The following CTNNA2 variants were observed in gnomAD, a reference collection of about 807,000 sequenced individuals.
The protein encoded by CTNNA2 is catenin alpha 2, also known as catenin alpha-2.
Under a neutral mutation model 101.0 loss-of-function variants are expected in CTNNA2, and 42 were observed. That is an observed-to-expected ratio of 0.42 (90% CI 0.32 to 0.54). CTNNA2 has a LOEUF of 0.54. CTNNA2 is among the 20% of genes least tolerant of loss of function. The pLI is 0.14. For missense variants in CTNNA2, 871 were observed against 1,223.1 expected, an observed-to-expected ratio of 0.71 and a Z score of 4.29; for synonymous variants, 450 against 456.4, an observed-to-expected ratio of 0.99 and a Z score of 0.18.
chr2:80,087,081 A>G (rs996579576), intron 7 of CTNNA2, among the ~76,000 whole-genome samples: 1 of 151,988 alleles, frequency 6.6e-6, no homozygotes, highest in Admixed American at 6.6e-5. Flanking sequence ...TGCTATGTCA[A>G]CCTTCCTTTG....
At chr2:80,056,989 A>G (rs1482164979) in intron 7 of CTNNA2, among the ~76,000 whole-genome samples, 1 of 152,222 alleles carries the variant, frequency 6.6e-6, no homozygotes, top group East Asian at 1.9e-4. Flanking sequence ...TTGTATGAGA[A>G]TTTGAATTTA....
chr2:79,493,059 A>C (rs538759354), intron 4 of CTNNA2, among the ~76,000 whole-genome samples: 1 of 152,336 alleles, frequency 6.6e-6, no homozygotes, highest in Admixed American at 6.5e-5. Flanking sequence ...AAAACTTTTT[A>C]AACTTCACAA....
chr2:80,470,178 G>T (rs1161356004), intron 9 of CTNNA2, among the ~76,000 whole-genome samples: 1 of 152,088 alleles, frequency 6.6e-6, no homozygotes, highest in Non-Finnish European at 1.5e-5. Context: ...CTAATTCTGG[G>T]ACCTTCTTAG....
intron 3 of CTNNA2, among the ~76,000 whole-genome samples, chr2:79,364,083 T>A (rs1677690636): frequency 6.6e-6 from 1 of 152,124 alleles, no homozygotes; most frequent in Non-Finnish European, 1.5e-5. Context: ...TGTATTAAAG[T>A]CTTTCACAGT....
chr2:79,648,234 A>T (rs1573566329), intron 1 of CTNNA2, among the ~76,000 whole-genome samples: 1 of 152,166 alleles, frequency 6.6e-6, no homozygotes, highest in South Asian at 2.1e-4. Context: ...GAGGGGCCAC[A>T]TACCAAATCA....
At chr2:79,624,223 G>A (rs1012404975) in intron 1 of CTNNA2, among the ~76,000 whole-genome samples, 8 of 152,166 alleles carry the variant, frequency 5.3e-5, no homozygotes, top group African/African-American at 1.9e-4. Flanking sequence ...AATCAAGAAA[G>A]AGATTGGGGA....
intron 9 of CTNNA2, among the ~76,000 whole-genome samples, chr2:80,537,284 T>C (rs575507356): frequency 8.1e-4 from 123 of 152,318 alleles, no homozygotes; most frequent in African/African-American, 2.6e-3. Flanking sequence ...CATAGTATTC[T>C]GTGGTGTATA....
At chr2:79,278,464 A>G (rs1167048657) in intron 2 of CTNNA2, among the ~76,000 whole-genome samples, 1 of 152,070 alleles carries the variant, frequency 6.6e-6, no homozygotes, top group African/African-American at 2.4e-5. Flanking sequence ...GCTTCAGGCC[A>G]GCAAGAGAGA....
At chr2:79,990,093 C>A (rs1692060787) in intron 7 of CTNNA2, among the ~76,000 whole-genome samples, 1 of 152,160 alleles carries the variant, frequency 6.6e-6, no homozygotes, top group Non-Finnish European at 1.5e-5. Context: ...CTGAGAGAGG[C>A]TCCATGCCCT....
intron 2 of CTNNA2, among the ~76,000 whole-genome samples, chr2:79,250,991 T>C (rs1674763853): frequency 6.6e-6 from 1 of 152,090 alleles, no homozygotes; most frequent in Admixed American, 6.5e-5. Flanking sequence ...GGGAAAAAAA[T>C]GATTTACTCT....
At chr2:80,356,295 G>C (rs931098393) in intron 7 of CTNNA2, among the ~76,000 whole-genome samples, 15 of 152,098 alleles carry the variant, frequency 9.9e-5, no homozygotes, top group African/African-American at 3.6e-4. Flanking sequence ...ATCTGTATTT[G>C]CTTTGAACAT....
intron 2 of CTNNA2, among the ~76,000 whole-genome samples, chr2:79,245,117 G>T (rs548134032): frequency 4.6e-5 from 7 of 151,146 alleles, no homozygotes; most frequent in African/African-American, 1.5e-4. Flanking sequence ...AAAAAGGAAA[G>T]AAATCAGTGT....
At chr2:80,253,315 T>G (rs1671903965) in intron 7 of CTNNA2, among the ~76,000 whole-genome samples, 1 of 152,184 alleles carries the variant, frequency 6.6e-6, no homozygotes, top group Non-Finnish European at 1.5e-5. Flanking sequence ...TCAATTAATT[T>G]TCAAGCCCTT....
At chr2:79,820,426 C>G (rs990579944) in intron 3 of CTNNA2, among the ~76,000 whole-genome samples, 2 of 152,150 alleles carry the variant, frequency 1.3e-5, no homozygotes, top group African/African-American at 4.8e-5. Flanking sequence ...ATGACAATAG[C>G]AAGTACTAAA....
Position 80,302,718 on chromosome 2 carries a change from C to G in CTNNA2, c.1057-90493C>G, listed in dbSNP as rs1389864201. On this transcript the variant is annotated intron_variant, in intron 7 of 18. Transcript: ENST00000402739. The surrounding 1 kb of genome is among the most constrained non-coding windows in gnomAD (Gnocchi z 6.4). ...GAGAGCAGGTGGCCGCTGGTGGGCT[C>G]GGCCCCATCCTCGCACAGGTGGAAG... 2.5e-6 allele frequency: 4 copies of G among 1,612,740 alleles called. No homozygotes were observed. The African/African-American group carries it at 5.3e-5, about 22-fold the overall frequency.
At chr2:79,286,119 C>T (rs1675570409) in intron 2 of CTNNA2, among the ~76,000 whole-genome samples, 1 of 151,886 alleles carries the variant, frequency 6.6e-6, no homozygotes, top group South Asian at 2.1e-4. Flanking sequence ...AGATCTTCCT[C>T]CATCCTTTTA....
intron 3 of CTNNA2, among the ~76,000 whole-genome samples, chr2:79,823,026 G>C (rs1678136911): frequency 6.6e-6 from 1 of 152,114 alleles, no homozygotes; most frequent in Non-Finnish European, 1.5e-5. Context: ...TCATCTTTTA[G>C]ATGTCAGTAA....
At chr2:80,565,100 G>A (rs758860300) in intron 12 of CTNNA2, among the ~76,000 whole-genome samples, 1 of 151,612 alleles carries the variant, frequency 6.6e-6, no homozygotes, top group Non-Finnish European at 1.5e-5. Context: ...GAGAATATTG[G>A]ATGAAACTGG....
At chr2:79,982,570 G>A (rs1169240916) in intron 7 of CTNNA2, among the ~76,000 whole-genome samples, 1 of 115,584 alleles carries the variant, frequency 8.7e-6, no homozygotes, top group East Asian at 2.9e-4. Flanking sequence ...AGTCTTCATG[G>A]TAGGTTTCTG....
Sources: gnomAD v4.1 joint callset for allele counts (sites outside exome capture counted in the v4.1 genomes callset) on GRCh38, gnomAD v4.1.1 for gene constraint, Gnocchi (gnomAD v3.1) non-coding constraint, MANE v1.5 for transcripts, NCBI Gene and HGNC (gene_info 2026-07-23, HGNC 2026-07-21) for gene names.